The following ADGRF3 variants were observed in gnomAD, a reference collection of about 807,000 sequenced individuals.
The protein encoded by ADGRF3 is G protein-coupled receptor 113.
Under a neutral mutation model 93.2 loss-of-function variants are expected in ADGRF3, and 85 were observed. That is an observed-to-expected ratio of 0.91 (90% CI 0.77 to 1.09). The LOEUF (loss-of-function observed/expected upper bound fraction) is 1.09. Ranked by LOEUF, ADGRF3 falls within the 50% of genes least tolerant of loss-of-function variation. ADGRF3 has a pLI of 0.00. For synonymous variants in ADGRF3, 534 were observed against 532.5 expected, an observed-to-expected ratio of 1.00 and a Z score of -0.04; for missense variants, 1,125 against 1,246.2, an observed-to-expected ratio of 0.90 and a Z score of 1.46.
At chr2:26,332,193 G>A (rs1004449612) in intron 1 of ADGRF3, among the ~76,000 whole-genome samples, 7 of 152,160 alleles carry the variant, frequency 4.6e-5, no homozygotes, top group East Asian at 1.9e-4. Context: ...TTGGGTAAAC[G>A]AGTTTGCCTT....
intron 5 of ADGRF3, 142 bp from the exon 6 acceptor site, chr2:26,314,765 A>G (rs538417989): frequency 2.9e-6 from 2 of 699,754 alleles, no homozygotes; most frequent in South Asian, 3.7e-5. Context: ...AGGTCCCAGG[A>G]TGGCCCCTTT....
intron 10 of ADGRF3, among the ~76,000 whole-genome samples, 164 bp from the exon 11 acceptor site, chr2:26,310,401 G>C (rs568008295): frequency 2.7e-4 from 41 of 152,232 alleles, no homozygotes; most frequent in African/African-American, 9.4e-4. Context: ...TTTTCTTATT[G>C]TTATGGTTAT....
intron 9 of ADGRF3, among the ~76,000 whole-genome samples, chr2:26,312,518 C>T (rs575457673): frequency 3.9e-5 from 6 of 152,314 alleles, no homozygotes; most frequent in Admixed American, 2.0e-4. Context: ...CAGGCATAAA[C>T]GGTGTGTAAT....
At chr2:26,334,246 A>C (rs574370015) in intron 1 of ADGRF3, among the ~76,000 whole-genome samples, 1 of 151,022 alleles carries the variant, frequency 6.6e-6, no homozygotes, top group Non-Finnish European at 1.5e-5. Context: ...CTTGAGTCCA[A>C]GAGTTCAAGA....
In ADGRF3 at chr2:26,346,762, G is replaced by A. The variant is rs929278288; in HGVS notation, c.-528C>T. 1.3e-5 allele frequency: 2 copies of A among 153,472 alleles called. No individual in the cohort carries two copies. Among genetic ancestry groups the A allele is most frequent in the African/African-American group, 4.8e-5 (2 of 41,458 alleles). The allele number at this position is 153,472 out of a possible 1,614,324, so 9.5% of individuals were successfully genotyped here. A position where few individuals can be genotyped will look rare whatever the true frequency, so the allele number is the denominator to read the frequency against. ...TGCTGATGTCTCCACTTCTGCTCCCGGCAGGGACTTCCTAAGCGGCAGCTT... is the reference window on the plus strand; with the variant it reads ...TGCTGATGTCTCCACTTCTGCTCCCAGCAGGGACTTCCTAAGCGGCAGCTT... On this transcript the variant is annotated 5_prime_UTR_variant, in exon 1 of 14. Coordinates refer to ENST00000651242, the MANE Select transcript of ADGRF3 (RefSeq NM_001321971.2).
intron 1 of ADGRF3, among the ~76,000 whole-genome samples, chr2:26,336,521 T>G (rs2147920662): frequency 6.7e-6 from 1 of 149,818 alleles, no homozygotes; most frequent in African/African-American, 2.5e-5. Flanking sequence ...AGGTCAGGAG[T>G]TCGAGACCAG....
At chr2:26,334,192 C>A (rs1675918167) in intron 1 of ADGRF3, among the ~76,000 whole-genome samples, 1 of 150,160 alleles carries the variant, frequency 6.7e-6, no homozygotes, top group Non-Finnish European at 1.5e-5. Flanking sequence ...CAGCAGCACA[C>A]AGCTATAGTC....
intron 1 of ADGRF3, among the ~76,000 whole-genome samples, chr2:26,342,689 G>T (rs868507457): frequency 7.2e-5 from 11 of 152,334 alleles, no homozygotes; most frequent in Middle Eastern, 6.8e-3. Flanking sequence ...GCAGACATGG[G>T]AAACAAAGCA....
chr2:26,320,577 CAAG>C (rs1380367706), intron 1 of ADGRF3, among the ~76,000 whole-genome samples: 1 of 152,076 alleles, frequency 6.6e-6, no homozygotes, highest in African/African-American at 2.4e-5. Context: ...ACAAATCAAA[CAAG>C]AAGATACTAT....
chr2:26,332,694 C>T (rs1280040909), intron 1 of ADGRF3, among the ~76,000 whole-genome samples: 1 of 152,008 alleles, frequency 6.6e-6, no homozygotes, highest in Non-Finnish European at 1.5e-5. Flanking sequence ...GAGCTGTGAT[C>T]ATGCCACTGG....
chr2:26,319,569 T>C (rs56401296), intron 1 of ADGRF3, among the ~76,000 whole-genome samples: 20,815 of 69,490 alleles, frequency 0.3, 3,348 homozygotes, highest in East Asian at 0.49. Flanking sequence ...CTCCCTCCCT[T>C]CCTTCCTTCC....
chr2:26,314,052 G>T, intron 6 of ADGRF3, 149 bp from the exon 7 acceptor site: 1 of 1,003,932 alleles, frequency 1.0e-6, no homozygotes, highest in Non-Finnish European at 1.5e-6. Flanking sequence ...GCTCCACTTG[G>T]ACAGAGGAAG....
At chr2:26,329,086 C>T (rs1675617589) in intron 1 of ADGRF3, among the ~76,000 whole-genome samples, 1 of 152,170 alleles carries the variant, frequency 6.6e-6, no homozygotes, top group South Asian at 2.1e-4. Context: ...AAAAGGGAGA[C>T]ACGAATGTGA....
chr2:26,333,893 G>A (rs890386001), intron 1 of ADGRF3, among the ~76,000 whole-genome samples: 2 of 151,768 alleles, frequency 1.3e-5, no homozygotes, highest in South Asian at 2.1e-4. Flanking sequence ...GTGCAATCTC[G>A]GCTCACTGCA....
rs1676776883 is a variant in ADGRF3, at chr2:26,346,640, G to A, written c.-406C>T. On this transcript the variant is annotated 5_prime_UTR_variant, in exon 1 of 14. Coordinates refer to ENST00000651242, the MANE Select transcript of ADGRF3 (RefSeq NM_001321971.2). ...TTGTGTCAATCGCCTTCATTTTAGT[G>A]AAGTTTCCACTCGCCTGTCATGCAT... 5.5e-6 allele frequency: 1 copy of A among 180,802 alleles called. No homozygotes were observed. The highest frequency in any genetic ancestry group is 1.2e-5 in the Non-Finnish European group (1 of 86,432). 11.2% of individuals were successfully genotyped at this position (180,802 alleles called of 1,614,324 possible).
intron 12 of ADGRF3, 76 bp from the exon 13 acceptor site, chr2:26,309,657 GT>G: frequency 6.4e-7 from 1 of 1,554,452 alleles, no homozygotes. Context: ...GGTTGTATCT[GT>G]TTTACTTTCT....
chr2:26,323,329 CT>C (rs1370432749), intron 1 of ADGRF3, among the ~76,000 whole-genome samples: 7 of 152,156 alleles, frequency 4.6e-5, no homozygotes, highest in Admixed American at 1.3e-4. Flanking sequence ...GGTGATTGGC[CT>C]TTGTCCCTCC....
intron 1 of ADGRF3, among the ~76,000 whole-genome samples, chr2:26,329,492 C>T (rs1675644875): frequency 6.6e-6 from 1 of 152,238 alleles, no homozygotes; most frequent in East Asian, 1.9e-4. Context: ...ATGACAGGCT[C>T]CAGAAGTTGG....
chr2:26,312,148 C>T lies in ADGRF3; in HGVS notation c.1450-74G>A, dbSNP rs1042171165. 18 of 1,396,076 alleles carry T rather than the reference C, an allele frequency of 1.3e-5. No homozygotes were observed. The African/African-American group carries it at 1.9e-4, about 15-fold the overall frequency. The allele number at this position is 1,396,076 out of a possible 1,614,324, so 86.5% of individuals were successfully genotyped here. ...ACTGAGCCGGGGGCAATGAGAACAA[C>T]AGACCCCACACCTTCCCTTCCCAGT... On this transcript the variant is annotated intron_variant, in intron 9 of 13. Coordinates refer to ENST00000651242, the MANE Select transcript of ADGRF3 (RefSeq NM_001321971.2).
Sources: gnomAD v4.1 joint callset for allele counts (sites outside exome capture counted in the v4.1 genomes callset) on GRCh38, gnomAD v4.1.1 for gene constraint, MANE v1.5 for transcripts, NCBI Gene and HGNC (gene_info 2026-07-23, HGNC 2026-07-21) for gene names.